Variants in FSD1L observed in about 807,000 individuals in gnomAD.
The protein encoded by FSD1L is FSD1-like protein.
In FSD1L, 45 loss-of-function variants were observed where a neutral mutation model predicts 71.6. That is an observed-to-expected ratio of 0.63 (90% confidence interval 0.49 to 0.81). FSD1L has a LOEUF of 0.81. Among genes scored for constraint, FSD1L ranks in the 30% least tolerant of loss-of-function variants. The pLI, the probability that FSD1L is intolerant of heterozygous loss-of-function variation, is 0.00. For synonymous variants in FSD1L, 197 were observed against 207.2 expected (o/e 0.95, Z 0.42); for missense variants, 561 against 618.1 (o/e 0.91, Z 0.98).
chr9:105,522,416 T>A (rs1835228528), intron 10 of FSD1L: 2 of 1,613,592 alleles, frequency 1.2e-6, no homozygotes, highest in South Asian at 2.2e-5. Context: ...GAGGATGGAG[T>A]CGTGATCAGC....
chr9:105,546,098 A>G (rs117970789), intron 13 of FSD1L, among the ~76,000 whole-genome samples: 3,341 of 152,126 alleles, frequency 0.022, 61 homozygotes, highest in Non-Finnish European at 0.037. Context: ...AAGTTTCTCA[A>G]TTTCTGCACC....
At chr9:105,521,978 CA>C (rs1332020503) in intron 10 of FSD1L, 2 of 1,612,906 alleles carry the variant, frequency 1.2e-6, no homozygotes, top group African/African-American at 2.7e-5. Flanking sequence ...TATCAATGGA[CA>C]AAAAGACTTG....
intron 10 of FSD1L, chr9:105,522,356 A>G: frequency 6.2e-7 from 1 of 1,614,144 alleles, no homozygotes; most frequent in African/African-American, 1.3e-5. Context: ...ACAAAGGGAA[A>G]GGAGTTGGAC....
Position 105,512,806 on chromosome 9 carries a change from G to T in FSD1L, c.896-1G>T. Reference sequence around the variant, plus strand: ...ATATATTTAAATATTATCTTGAATAGCACTTAACTTCAATTTGGATAACTC... The same window carrying T: ...ATATATTTAAATATTATCTTGAATATCACTTAACTTCAATTTGGATAACTC... On this transcript the variant is annotated splice_acceptor_variant, in intron 9 of 13. Transcript: ENST00000481272. LOFTEE classifies it high-confidence loss of function. 6.8e-7 allele frequency: 1 copy of T among 1,470,710 alleles called. No individual in the cohort carries two copies. The highest frequency in any genetic ancestry group is 9.1e-7 in the Non-Finnish European group (1 of 1,095,708). 91.1% of individuals were successfully genotyped at this position (1,470,710 alleles called of 1,614,324 possible). A position where few individuals can be genotyped will look rare whatever the true frequency, so the allele number is the denominator to read the frequency against.
chr9:105,490,113 T>A (rs1230246314), intron 7 of FSD1L, among the ~76,000 whole-genome samples: 1 of 152,230 alleles, frequency 6.6e-6, no homozygotes, highest in East Asian at 1.9e-4. Context: ...TAGTTTACAG[T>A]CCCACCAACA....
intron 13 of FSD1L, among the ~76,000 whole-genome samples, chr9:105,542,005 T>G (rs981402305): frequency 1.3e-5 from 2 of 152,262 alleles, no homozygotes; most frequent in African/African-American, 4.8e-5. Context: ...TATCACAGTT[T>G]ATTCATTCAT....
chr9:105,485,540 T>TG (rs1057448586), intron 7 of FSD1L, among the ~76,000 whole-genome samples: 7 of 149,930 alleles, frequency 4.7e-5, no homozygotes, highest in Non-Finnish European at 1.0e-4. Flanking sequence ...GGTGTTTTTT[T>TG]TTTTTTTTTT....
chr9:105,537,726 T>C (rs1307745509), intron 12 of FSD1L, among the ~76,000 whole-genome samples: 1 of 152,046 alleles, frequency 6.6e-6, no homozygotes, highest in African/African-American at 2.4e-5. Flanking sequence ...ATGGAAGAGA[T>C]CGAAAGCATA....
intron 5 of FSD1L, among the ~76,000 whole-genome samples, chr9:105,478,019 C>T (rs552058343): frequency 4.6e-5 from 7 of 152,096 alleles, no homozygotes; most frequent in African/African-American, 9.6e-5. Context: ...CTGAGGCAGG[C>T]GGATCACGAG....
chr9:105,448,090 G>T lies in FSD1L; in HGVS notation c.-131G>T. The T allele has an allele frequency of 1.9e-6, 2 of 1,063,478 alleles. No individual in the cohort carries two copies. Among genetic ancestry groups the T allele is most frequent in the Non-Finnish European group, 2.8e-6 (2 of 716,830 alleles). The allele number at this position is 1,063,478 out of a possible 1,614,324, so 65.9% of individuals were successfully genotyped here. ...GCGCGCGCGGTCTGGGCGCGGACGG[G>T]TGGGGCCGGGCGGTGCCGGTGCGGG... On this transcript the variant is annotated 5_prime_UTR_variant, in exon 1 of 14. Transcript: ENST00000481272.
chr9:105,534,362 A>G (rs1836124719), intron 10 of FSD1L, 131 bp from the exon 11 acceptor site: 3 of 564,376 alleles, frequency 5.3e-6, no homozygotes, highest in Middle Eastern at 9.5e-4. Flanking sequence ...TTCAGATCAA[A>G]TTGAATGGTG....
At chr9:105,519,927 G>A (rs971016022) in intron 10 of FSD1L, among the ~76,000 whole-genome samples, 1 of 152,236 alleles carries the variant, frequency 6.6e-6, no homozygotes, top group Non-Finnish European at 1.5e-5. Flanking sequence ...GGGGCCGAAG[G>A]TGCCTTGGAG....
chr9:105,463,275 T>TA (rs1279158669), intron 2 of FSD1L, among the ~76,000 whole-genome samples: 1 of 152,250 alleles, frequency 6.6e-6, no homozygotes, highest in African/African-American at 2.4e-5. Flanking sequence ...TAGGCTTTAT[T>TA]AAAATATTTA....
chr9:105,482,898 T>C lies in FSD1L; in HGVS notation c.465-1483T>C, dbSNP rs201097523. Among the ~76,000 whole-genome samples, 4 of 152,342 alleles carry C rather than the reference T, an allele frequency of 2.6e-5. No individual in the cohort carries two copies. The East Asian group carries it at 7.7e-4, about 29-fold the overall frequency. ...TCTCAGTAAACATTTAAATATCTAG[T>C]CAGGTTTTGAATAAACCAAGTAGGT... On this transcript the variant is annotated intron_variant, in intron 6 of 13. Transcript: ENST00000481272.
chr9:105,495,573 A>G (rs1362142082), intron 7 of FSD1L, among the ~76,000 whole-genome samples: 2 of 152,250 alleles, frequency 1.3e-5, no homozygotes, highest in African/African-American at 4.8e-5. Context: ...GGAAATGCAG[A>G]AATCACCTGT....
At chr9:105,452,730 CCTCCT>C (rs1240355554) in intron 1 of FSD1L, among the ~76,000 whole-genome samples, 6 of 150,212 alleles carry the variant, frequency 4.0e-5, no homozygotes, top group Non-Finnish European at 3.0e-5. Context: ...TTCCTTCTTT[CCTCCT>C]CTCCTCTCCT....
At chr9:105,490,298 GTCT>G (rs1398637873) in intron 7 of FSD1L, among the ~76,000 whole-genome samples, 1 of 152,162 alleles carries the variant, frequency 6.6e-6, no homozygotes, top group Non-Finnish European at 1.5e-5. Context: ...CTGCATAAAT[GTCT>G]TCTTTTGAGA....
At chr9:105,469,227 TG>T (rs1435649585) in intron 4 of FSD1L, among the ~76,000 whole-genome samples, 3 of 152,216 alleles carry the variant, frequency 2.0e-5, no homozygotes, top group Non-Finnish European at 4.4e-5. Flanking sequence ...GCAATGAATG[TG>T]GGGGTTTAAA....
In FSD1L at chr9:105,547,280, A is replaced by G. The variant is rs1270490333; in HGVS notation, c.*797A>G. 1.4e-5 allele frequency: 2 copies of G among 143,870 alleles called. No homozygotes were observed. The highest frequency in any genetic ancestry group is 5.1e-5 in the African/African-American group (2 of 39,228). 8.9% of individuals were successfully genotyped at this position (143,870 alleles called of 1,614,324 possible). A position where few individuals can be genotyped will look rare whatever the true frequency, so the allele number is the denominator to read the frequency against. ...TGATTTTGTTGTCTAGTTTAATCCT[A>G]CCTTTAATAGTTGTGTTTGGTAAAA... On this transcript the variant is annotated 3_prime_UTR_variant, in exon 14 of 14. Transcript: ENST00000481272.
Sources: allele counts gnomAD v4.1 joint callset (sites outside exome capture counted in the v4.1 genomes callset), GRCh38; gene constraint gnomAD v4.1.1; transcripts MANE v1.5; gene names NCBI Gene and HGNC (gene_info 2026-07-23, HGNC 2026-07-21).